The following RIN2 variants were observed in gnomAD, a reference collection of about 807,000 sequenced individuals.
The protein encoded by RIN2 is Ras and Rab interactor 2, also known as RAB5 interacting protein 2.
In RIN2, 36 loss-of-function variants were observed where a neutral mutation model predicts 78.0. The ratio of observed to expected loss-of-function variants is 0.46; its 90% CI spans 0.35 to 0.61. The LOEUF (loss-of-function observed/expected upper bound fraction) is 0.61. RIN2 is among the 20% of genes least tolerant of loss of function. The pLI is 0.00. For missense variants in RIN2, 1,087 were observed against 1,159.7 expected (o/e 0.94, Z 0.91); for synonymous variants, 466 against 466.8 (o/e 1.00, Z 0.02).
intron 9 of RIN2, among the ~76,000 whole-genome samples, chr20:19,980,526 C>T (rs940464305): frequency 7.9e-5 from 12 of 152,200 alleles, no homozygotes; most frequent in East Asian, 1.9e-4. Flanking sequence ...ATAAGTCACA[C>T]GAAGATGTCT....
At chr20:19,853,228 C>T (rs979136572) in intron 2 of RIN2, among the ~76,000 whole-genome samples, 1 of 152,038 alleles carries the variant, frequency 6.6e-6, no homozygotes, top group Non-Finnish European at 1.5e-5. Context: ...TTTTTTATGG[C>T]TGCATAGTAT....
At chr20:19,830,046 G>A (rs1180563460) in intron 2 of RIN2, among the ~76,000 whole-genome samples, 1 of 152,134 alleles carries the variant, frequency 6.6e-6, no homozygotes, top group Non-Finnish European at 1.5e-5. Context: ...TATCCTGAAC[G>A]ACACTATCAA....
chr20:19,799,294 G>A (rs768081647), intron 1 of RIN2, among the ~76,000 whole-genome samples: 2 of 152,176 alleles, frequency 1.3e-5, no homozygotes, highest in Non-Finnish European at 2.9e-5. Context: ...GTGATGCAAG[G>A]GATAAGGGAA....
chr20:19,934,057 G>T (rs1178739767), intron 3 of RIN2, among the ~76,000 whole-genome samples: 3 of 152,106 alleles, frequency 2.0e-5, no homozygotes, highest in African/African-American at 7.2e-5. Context: ...TGATCTGCCT[G>T]CCTCGGCCTC....
intron 1 of RIN2, among the ~76,000 whole-genome samples, chr20:19,797,170 T>G (rs925650210): frequency 7.2e-5 from 11 of 152,138 alleles, no homozygotes; most frequent in African/African-American, 2.4e-4. Context: ...CCAGGTGGTC[T>G]CAGTTTATAG....
At chr20:19,990,610 C>T (rs1018983937) in intron 10 of RIN2, among the ~76,000 whole-genome samples, 61 of 152,104 alleles carry the variant, frequency 4.0e-4, no homozygotes, top group Admixed American at 1.4e-3. Context: ...ATCTTCCCTC[C>T]GAGAAGAAGA....
intron 4 of RIN2, among the ~76,000 whole-genome samples, chr20:19,955,265 G>T (rs1342266085): frequency 6.6e-6 from 1 of 152,102 alleles, no homozygotes; most frequent in East Asian, 1.9e-4. Context: ...GTATATCCAT[G>T]TTGCAGCATG....
intron 2 of RIN2, among the ~76,000 whole-genome samples, chr20:19,877,391 G>A (rs1337306447): frequency 6.6e-6 from 1 of 152,192 alleles, no homozygotes; most frequent in Non-Finnish European, 1.5e-5. Flanking sequence ...AGAGAAGAAT[G>A]TTTGGAGGGG....
At chr20:19,850,296 G>A (rs747317424) in intron 2 of RIN2, among the ~76,000 whole-genome samples, 2 of 152,060 alleles carry the variant, frequency 1.3e-5, no homozygotes, top group South Asian at 2.1e-4. Flanking sequence ...TGGAGGACAC[G>A]GGGGAGGGGT....
At chr20:19,876,832 C>A (rs1033596461) in intron 2 of RIN2, among the ~76,000 whole-genome samples, 6 of 148,154 alleles carry the variant, frequency 4.0e-5, no homozygotes, top group South Asian at 4.5e-4. Context: ...TTGAACCCAG[C>A]GGGGCGGAGG....
chr20:19,818,619 C>A (rs577605725), intron 2 of RIN2, among the ~76,000 whole-genome samples: 1 of 151,748 alleles, frequency 6.6e-6, no homozygotes, highest in South Asian at 2.1e-4. Flanking sequence ...GTAATACCAG[C>A]TACTTGGGAG....
At chr20:19,877,461 A>G (rs994196398) in intron 2 of RIN2, among the ~76,000 whole-genome samples, 10 of 152,156 alleles carry the variant, frequency 6.6e-5, no homozygotes, top group Non-Finnish European at 1.2e-4. Context: ...GTGGGTCCAT[A>G]GTGCAGGGTT....
At chr20:19,930,807 C>G (rs541699689) in intron 3 of RIN2, among the ~76,000 whole-genome samples, 1 of 152,308 alleles carries the variant, frequency 6.6e-6, no homozygotes, top group African/African-American at 2.4e-5. Context: ...TTCACTCCTT[C>G]CATTTTCATA....
At chr20:19,818,558 C>T (rs1304216126) in intron 2 of RIN2, among the ~76,000 whole-genome samples, 1 of 151,806 alleles carries the variant, frequency 6.6e-6, no homozygotes, top group East Asian at 1.9e-4. Flanking sequence ...ATGGTGAAAC[C>T]CTGTCTTTAC....
intron 3 of RIN2, among the ~76,000 whole-genome samples, chr20:19,922,224 C>G (rs1042572855): frequency 6.6e-6 from 1 of 152,138 alleles, no homozygotes; most frequent in African/African-American, 2.4e-5. Flanking sequence ...TTATCCCAAT[C>G]AGGAGTGGGG....
rs555481135 is a variant in RIN2 at position 19,860,519 on chromosome 20, C to T, written c.-36-29047C>T. Among the ~76,000 whole-genome samples, 3 of 152,078 alleles carry T rather than the reference C, an allele frequency of 2.0e-5. No homozygotes were observed. The East Asian group carries it at 5.8e-4, about 29-fold the overall frequency. Reference sequence around the variant, plus strand: ...TGTATTTTTAGTAGAGACGGGGTTTCACCATGTTGGCCATACTCGTCTCGA... The same window carrying T: ...TGTATTTTTAGTAGAGACGGGGTTTTACCATGTTGGCCATACTCGTCTCGA... On this transcript the variant is annotated intron_variant, in intron 2 of 12. Transcript: ENST00000255006.
intron 9 of RIN2, among the ~76,000 whole-genome samples, chr20:19,985,534 T>G (rs118188260): frequency 3.3e-5 from 5 of 152,292 alleles, no homozygotes; most frequent in African/African-American, 4.8e-5. Context: ...ATGTTGTGGT[T>G]CAAACGATTT....
At chr20:19,811,098 T>A (rs1051819326) in intron 2 of RIN2, among the ~76,000 whole-genome samples, 1 of 151,860 alleles carries the variant, frequency 6.6e-6, no homozygotes, top group Non-Finnish European at 1.5e-5. Context: ...ATAAACCAAT[T>A]AGTAACTGTC....
chr20:19,864,007 G>A (rs1369702505), intron 2 of RIN2, among the ~76,000 whole-genome samples: 1 of 151,050 alleles, frequency 6.6e-6, no homozygotes. Context: ...TTGGTTCTCG[G>A]GGGTGGGTGG....
Sources: allele counts gnomAD v4.1 joint callset (sites outside exome capture counted in the v4.1 genomes callset), GRCh38; gene constraint gnomAD v4.1.1; transcripts MANE v1.5; gene names NCBI Gene and HGNC (gene_info 2026-07-23, HGNC 2026-07-21).